Variants in FAM76A observed in about 807,000 individuals in gnomAD.
FAM76A encodes the protein protein FAM76A.
Under a neutral mutation model 46.2 loss-of-function variants are expected in FAM76A, and 32 were observed. The observed-to-expected ratio is 0.69, with a 90% CI of 0.52 to 0.93. The LOEUF (loss-of-function observed/expected upper bound fraction) is 0.93. Ranked by LOEUF, FAM76A falls within the 40% of genes least tolerant of loss-of-function variation. The probability of loss-of-function intolerance (pLI) is 0.00; values close to 1 mark genes in which losing one functional copy is unlikely to be tolerated. For missense variants in FAM76A, 274 were observed against 361.5 expected (o/e 0.76, Z 1.96); for synonymous variants, 137 against 127.0 (o/e 1.08, Z -0.53).
chr1:27,753,574 G>T (rs1391008296), intron 6 of FAM76A, among the ~76,000 whole-genome samples: 2 of 152,156 alleles, frequency 1.3e-5, no homozygotes, highest in Non-Finnish European at 2.9e-5. Flanking sequence ...AGTTATGAGA[G>T]CATTGATTCA....
chr1:27,743,628 G>T (rs1401827447), intron 4 of FAM76A, among the ~76,000 whole-genome samples: 1 of 152,134 alleles, frequency 6.6e-6, no homozygotes, highest in Non-Finnish European at 1.5e-5. Context: ...AGCCACACAT[G>T]GTGGTGCACA....
At chr1:27,756,510 C>G (rs546012207) in intron 7 of FAM76A, among the ~76,000 whole-genome samples, 2 of 151,802 alleles carry the variant, frequency 1.3e-5, no homozygotes, top group African/African-American at 2.4e-5. Flanking sequence ...AGGCTGGTCT[C>G]GAACTCCTCA....
At chr1:27,744,010 G>A (rs1464537537) in intron 4 of FAM76A, among the ~76,000 whole-genome samples, 1 of 152,014 alleles carries the variant, frequency 6.6e-6, no homozygotes, top group Non-Finnish European at 1.5e-5. Flanking sequence ...TCTCCCTGCT[G>A]AGTTTTCCTT....
chr1:27,732,548 G>T, intron 2 of FAM76A, 55 bp from the exon 3 acceptor site: 1 of 1,527,834 alleles, frequency 6.5e-7, no homozygotes, highest in Non-Finnish European at 9.0e-7. Flanking sequence ...GGCTTAAGGA[G>T]GTATCAGTTT....
chr1:27,753,746 T>C (rs1472983206), intron 6 of FAM76A, among the ~76,000 whole-genome samples: 1 of 152,222 alleles, frequency 6.6e-6, no homozygotes, highest in African/African-American at 2.4e-5. Flanking sequence ...TTGGAGTTTC[T>C]TCCTGTGTAG....
intron 3 of FAM76A, among the ~76,000 whole-genome samples, chr1:27,733,324 C>T (rs2087990590): frequency 6.6e-6 from 1 of 152,136 alleles, no homozygotes; most frequent in Admixed American, 6.6e-5. Context: ...TGTTACAGTT[C>T]AGGATGTTAT....
At chr1:27,760,444 C>A (rs10902671) in intron 8 of FAM76A, 51 bp from the exon 9 acceptor site, 1,383,259 of 1,481,250 alleles carry the variant, frequency 0.93, 646,350 homozygotes, top group East Asian at 1. Flanking sequence ...TGAAAAATAG[C>A]TTATATCCTG....
chr1:27,762,249 A>C lies in FAM76A; in HGVS notation c.*1668A>C, dbSNP rs945816385. The C allele has an allele frequency of 6.6e-6, 1 of 152,094 alleles. No individual in the cohort carries two copies. The highest frequency in any genetic ancestry group is 1.5e-5 in the Non-Finnish European group (1 of 68,038). The allele number at this position is 152,094 out of a possible 1,614,324, so 9.4% of individuals were successfully genotyped here. On this transcript the variant is annotated 3_prime_UTR_variant, in exon 9 of 9. Transcript: ENST00000373954. ...TTTACTTTTCCAGGAAAGGGGATAG[A>C]TTTACATTTCTAGGCATACTCTCAG...
At chr1:27,759,789 T>TTTGTTTTTTTTTTTA (rs2088475713) in intron 8 of FAM76A, 162 bp downstream of exon 8, 1 of 572,186 alleles carries the variant, frequency 1.7e-6, no homozygotes, top group African/African-American at 2.2e-5. Context: ...GTTTTTTTTT[T>TTTGTTTTTTTTTTTA]GAGACAGGTT....
Position 27,741,882 on chromosome 1 carries a change from C to CA in FAM76A, c.355-2758dup, listed in dbSNP as rs755613015. 9.1e-3 allele frequency among the ~76,000 whole-genome samples: 1,001 copies of CA among 109,518 alleles called. 5 individuals are homozygous for CA. The highest frequency in any genetic ancestry group is 0.012 in the African/African-American group (289 of 23,226). 71.8% of individuals were successfully genotyped at this position (109,518 alleles called of 152,430 possible). On this transcript the variant is annotated intron_variant, in intron 4 of 8. Transcript: ENST00000373954. ...TGGGTGACAAAGTGAGACTCTATCTCAAAAAAAAAAAAAAGAGAGAGGATG... is the reference window on the plus strand; with the variant it reads ...TGGGTGACAAAGTGAGACTCTATCTCAAAAAAAAAAAAAAAGAGAGAGGATG...
At position 27,726,045 on chromosome 1, in the gene FAM76A, G is replaced by T. The variant is rs1188963174; in HGVS notation, c.-36G>T. On this transcript the variant is annotated 5_prime_UTR_variant, in exon 1 of 9. Coordinates refer to ENST00000373954, the MANE Select transcript of FAM76A (RefSeq NM_152660.3). ...AGACTGTCAGATAAATCGGCGGGCCGGGCCGGCGGGTCGGTGAGCGCGGCC... is the reference window on the plus strand; with the variant it reads ...AGACTGTCAGATAAATCGGCGGGCCTGGCCGGCGGGTCGGTGAGCGCGGCC... 1.5e-5 allele frequency: 18 copies of T among 1,233,434 alleles called. No homozygotes were observed. The East Asian group carries it at 5.2e-4, about 35-fold the overall frequency. 76.4% of individuals were successfully genotyped at this position (1,233,434 alleles called of 1,614,324 possible).
chr1:27,743,090 A>G (rs2088182266), intron 4 of FAM76A, among the ~76,000 whole-genome samples: 1 of 152,118 alleles, frequency 6.6e-6, no homozygotes, highest in Admixed American at 6.6e-5. Flanking sequence ...AAATTATATG[A>G]GGTAATGCGT....
At chr1:27,728,587 A>G (rs1275713909) in intron 2 of FAM76A, among the ~76,000 whole-genome samples, 1 of 152,014 alleles carries the variant, frequency 6.6e-6, no homozygotes, top group Non-Finnish European at 1.5e-5. Context: ...CATGGGCCCA[A>G]GTGATTCCTT....
chr1:27,741,319 A>G (rs1180147019), intron 4 of FAM76A, among the ~76,000 whole-genome samples: 1 of 150,532 alleles, frequency 6.6e-6, no homozygotes, highest in Non-Finnish European at 1.5e-5. Flanking sequence ...CCAAGTAGCT[A>G]GGACTACAGG....
intron 4 of FAM76A, among the ~76,000 whole-genome samples, chr1:27,740,838 T>A (rs1211612860): frequency 2.0e-5 from 3 of 152,138 alleles, no homozygotes. Context: ...ATTTAACAAT[T>A]CATGTGGGGC....
intron 1 of FAM76A, among the ~76,000 whole-genome samples, chr1:27,726,878 T>G (rs1217431465): frequency 6.6e-6 from 1 of 152,176 alleles, no homozygotes; most frequent in Non-Finnish European, 1.5e-5. Context: ...AGAGGTGCTG[T>G]GAGGCAACAG....
At chr1:27,734,298 A>G in intron 4 of FAM76A, 115 bp downstream of exon 4, 2 of 1,108,242 alleles carry the variant, frequency 1.8e-6, no homozygotes, top group Non-Finnish European at 2.5e-6. Flanking sequence ...CTGTAATCCC[A>G]GCACTTTGGG....
intron 1 of FAM76A, among the ~76,000 whole-genome samples, chr1:27,726,583 C>G (rs1419517608): frequency 6.6e-5 from 10 of 151,730 alleles, no homozygotes; most frequent in Non-Finnish European, 1.3e-4. Context: ...GGGCTCCTCA[C>G]GGGCACTTTT....
At position 27,744,725 on chromosome 1, in the gene FAM76A, G is replaced by A. The variant is rs1402511657; in HGVS notation, c.426G>A (p.Gln142=). 1.9e-6 allele frequency: 3 copies of A among 1,614,188 alleles called. No homozygotes were observed. The highest frequency in any genetic ancestry group is 2.5e-6 in the Non-Finnish European group (3 of 1,180,022). The change falls in exon 5 of 9, where the codon CAG becomes CAA. Residue 142 remains glutamine (Q), a synonymous_variant. Transcript: ENST00000373954. The part of the protein sequence containing the change: ...YKRVLQKTKE[Q]RKHLSSSSRA... ...GGGTCCTTCAGAAGACCAAAGAGCA[G>A]AGGAAACACCTGAGTAGCTCTTCTC...
Sources: gnomAD v4.1 joint callset for allele counts (sites outside exome capture counted in the v4.1 genomes callset) on GRCh38, gnomAD v4.1.1 for gene constraint, MANE v1.5 for transcripts, NCBI Gene and HGNC (gene_info 2026-07-23, HGNC 2026-07-21) for gene names.